Variants in CUL1 observed in about 807,000 individuals in gnomAD.
The protein encoded by CUL1 is cullin-1.
CUL1 carries 24 observed loss-of-function variants against 118.0 expected under a neutral mutation model. The ratio of observed to expected loss-of-function variants is 0.20; its 90% confidence interval spans 0.15 to 0.29. CUL1 has a LOEUF of 0.29. CUL1 is among the 10% of genes least tolerant of loss of function. CUL1 has a pLI of 1.00. For synonymous variants in CUL1, 332 were observed against 340.4 expected (o/e 0.98, Z 0.27); for missense variants, 361 against 933.8 (o/e 0.39, Z 7.99).
intron 7 of CUL1, among the ~76,000 whole-genome samples, chr7:148,766,318 G>A (rs1800004032): frequency 6.6e-6 from 1 of 152,078 alleles, no homozygotes; most frequent in African/African-American, 2.4e-5. Context: ...TAGAGACAGG[G>A]TCGCACTGTG....
rs1195710444 is a variant in CUL1, at chr7:148,778,086, AAAAAAAAAAAAG to A, written c.1084-5694_1084-5683del. 8.6e-4 allele frequency among the ~76,000 whole-genome samples: 122 copies of A among 141,928 alleles called. 3 individuals carry two copies. The highest frequency in any genetic ancestry group is 1.4e-3 in the Non-Finnish European group (90 of 65,264). The allele number at this position is 141,928 out of a possible 152,430, so 93.1% of individuals were successfully genotyped here. A position where few individuals can be genotyped will look rare whatever the true frequency, so the allele number is the denominator to read the frequency against. On this transcript the variant is annotated intron_variant, in intron 9 of 21. Transcript: ENST00000325222. ...ACCCTGTCTCAAAAAAAAAAAAAAA[AAAAAAAAAAAAG>A]AAGAAGAAGAAGAATGAGGAAAGAG...
In CUL1 at chr7:148,725,247, A is replaced by ACACACACACACC. The variant is rs1249684580; in HGVS notation, c.-161-4714_-161-4713insACACACACACCC. Among the ~76,000 whole-genome samples the ACACACACACACC allele has an allele frequency of 3.6e-4, 55 of 151,044 alleles. No homozygotes were observed. The South Asian group carries it at 7.0e-3, about 19-fold the overall frequency. On this transcript the variant is annotated intron_variant, in intron 1 of 21. Coordinates refer to ENST00000325222, the MANE Select transcript of CUL1 (RefSeq NM_003592.3). ...CACACACACACACACACACACACAC[A>ACACACACACACC]CCCGTACCCCTCTAAACTGGAAAAC...
At chr7:148,708,956 A>G (rs936836234) in intron 1 of CUL1, among the ~76,000 whole-genome samples, 4 of 152,274 alleles carry the variant, frequency 2.6e-5, no homozygotes, top group Non-Finnish European at 4.4e-5. Flanking sequence ...TTCACTGATT[A>G]TAACCAGCAA....
chr7:148,791,862 A>C (rs141306281), intron 16 of CUL1, among the ~76,000 whole-genome samples: 200 of 152,342 alleles, frequency 1.3e-3, no homozygotes, highest in African/African-American at 4.5e-3. Flanking sequence ...CACACTCAGC[A>C]ATCAGGAACC....
At chr7:148,775,855 GA>G (rs34474266) in intron 9 of CUL1, among the ~76,000 whole-genome samples, 5,557 of 132,332 alleles carry the variant, frequency 0.042, 320 homozygotes, top group African/African-American at 0.14. Context: ...AATACCACCA[GA>G]AAAAAAAAAA....
intron 1 of CUL1, among the ~76,000 whole-genome samples, chr7:148,718,673 A>G (rs1798295592): frequency 1.3e-5 from 2 of 152,068 alleles, no homozygotes; most frequent in Non-Finnish European, 1.5e-5. Context: ...GGGCTATTAT[A>G]AAGTGCTGTG....
At chr7:148,731,619 C>CA (rs1280348675) in intron 2 of CUL1, among the ~76,000 whole-genome samples, 5 of 152,114 alleles carry the variant, frequency 3.3e-5, no homozygotes, top group Non-Finnish European at 5.9e-5. Context: ...CACCTATCAC[C>CA]ACCATCTAAT....
intron 2 of CUL1, 68 bp from the exon 3 acceptor site, chr7:148,753,908 A>C: frequency 8.1e-7 from 1 of 1,235,514 alleles, no homozygotes; most frequent in Non-Finnish European, 1.1e-6. Flanking sequence ...GAAATATAAG[A>C]AAATATGTTT....
At chr7:148,753,755 G>A (rs1024798946) in intron 2 of CUL1, among the ~76,000 whole-genome samples, 1 of 152,106 alleles carries the variant, frequency 6.6e-6, no homozygotes, top group African/African-American at 2.4e-5. Context: ...TCTCCACCTT[G>A]GCGGTGTTGC....
At chr7:148,795,366 A>G (rs111833067) in intron 17 of CUL1, among the ~76,000 whole-genome samples, 12,694 of 151,782 alleles carry the variant, frequency 0.084, 669 homozygotes, top group African/African-American at 0.14. Context: ...TCCTGGGCTC[A>G]AGTGACACTT....
At chr7:148,775,342 A>AG (rs1800360880) in intron 9 of CUL1, among the ~76,000 whole-genome samples, 1 of 152,242 alleles carries the variant, frequency 6.6e-6, no homozygotes, top group Non-Finnish European at 1.5e-5. Flanking sequence ...CAAAGGAGAT[A>AG]GGATACACAT....
chr7:148,713,831 C>T (rs559513579), intron 1 of CUL1, among the ~76,000 whole-genome samples: 2 of 152,158 alleles, frequency 1.3e-5, no homozygotes, highest in Non-Finnish European at 2.9e-5. Context: ...TCAAGTGATT[C>T]TCCTGCTTCA....
intron 2 of CUL1, among the ~76,000 whole-genome samples, chr7:148,745,383 C>T (rs1170302238): frequency 6.6e-6 from 1 of 152,150 alleles, no homozygotes; most frequent in African/African-American, 2.4e-5. Flanking sequence ...TCTCATTTTC[C>T]TGTTTCTTTT....
chr7:148,792,782 T>C lies in CUL1; in HGVS notation c.1863T>C (p.Thr621=). The change falls in exon 17 of 22, where the codon ACT becomes ACC. Residue 621 remains threonine (T), a synonymous_variant. Coordinates refer to ENST00000325222, the MANE Select transcript of CUL1 (RefSeq NM_003592.3). ...AGTACAACACGGAAGATGCCTACAC[T>C]GTGCAGCAGCTGACCGACAGCACTC... ...LLQYNTEDAY[T]VQQLTDSTQI... The C allele has an allele frequency of 6.2e-7, 1 of 1,613,446 alleles. No individual in the cohort carries two copies. Among genetic ancestry groups the C allele is most frequent in the Non-Finnish European group, 8.5e-7 (1 of 1,179,720 alleles).
At chr7:148,710,666 T>C (rs1246074938) in intron 1 of CUL1, among the ~76,000 whole-genome samples, 2 of 147,512 alleles carry the variant, frequency 1.4e-5, no homozygotes, top group African/African-American at 4.9e-5. Context: ...ATTTTCTCCT[T>C]TTTTTTTTTT....
chr7:148,720,820 A>C (rs187827515), intron 1 of CUL1, among the ~76,000 whole-genome samples: 6 of 152,224 alleles, frequency 3.9e-5, no homozygotes, highest in Admixed American at 3.9e-4. Flanking sequence ...GCCACAACAG[A>C]TCTGGTGGCT....
At chr7:148,771,337 G>A (rs1034114942) in intron 9 of CUL1, among the ~76,000 whole-genome samples, 2 of 152,140 alleles carry the variant, frequency 1.3e-5, no homozygotes, top group East Asian at 1.9e-4. Flanking sequence ...TTTTGTGTTC[G>A]AAGTTTTAGA....
chr7:148,769,371 C>T lies in CUL1; in HGVS notation c.1083+1622C>T, dbSNP rs193082130. ...CAGTTTTTATGACTTTATTTCCAAG[C>T]TAAATGTTCCTTTAAAGGGCCTGAT... On this transcript the variant is annotated intron_variant, in intron 9 of 21. Coordinates refer to ENST00000325222, the MANE Select transcript of CUL1 (RefSeq NM_003592.3). Among the ~76,000 whole-genome samples, 26 of 144,932 alleles carry T rather than the reference C, an allele frequency of 1.8e-4. No homozygotes were observed. In the East Asian group the frequency reaches 5.4e-3, roughly 30 times the overall value.
At chr7:148,719,375 A>T (rs1047473100) in intron 1 of CUL1, among the ~76,000 whole-genome samples, 1 of 152,126 alleles carries the variant, frequency 6.6e-6, no homozygotes, top group South Asian at 2.1e-4. Flanking sequence ...GTTAGTTGAA[A>T]TTTTTTTATG....
Sources: allele counts gnomAD v4.1 joint callset (sites outside exome capture counted in the v4.1 genomes callset), GRCh38; gene constraint gnomAD v4.1.1; transcripts MANE v1.5; gene names NCBI Gene and HGNC (gene_info 2026-07-23, HGNC 2026-07-21).